The following PTK2 variants were observed in gnomAD, a reference collection of about 807,000 sequenced individuals.
PTK2 encodes focal adhesion kinase 1.
PTK2 carries 45 observed loss-of-function variants against 150.1 expected under a neutral mutation model. The ratio of observed to expected loss-of-function variants is 0.30; its 90% CI spans 0.24 to 0.38. The LOEUF is 0.38. Ranked by LOEUF, PTK2 falls within the 10% of genes least tolerant of loss-of-function variation. PTK2 has a pLI of 1.00. For missense variants in PTK2, 919 were observed against 1,307.3 expected (o/e 0.70, Z 4.58); for synonymous variants, 432 against 449.2 (o/e 0.96, Z 0.48).
At chr8:140,883,892 C>A (rs1477720549) in intron 3 of PTK2, among the ~76,000 whole-genome samples, 3 of 152,072 alleles carry the variant, frequency 2.0e-5, no homozygotes, top group Non-Finnish European at 2.9e-5. Flanking sequence ...ATGGGTCTCA[C>A]TGGCCTAAAA....
Position 140,907,528 on chromosome 8 carries a change from T to C in PTK2, c.-32-16759A>G, listed in dbSNP as rs2100161441. 2.0e-5 allele frequency among the ~76,000 whole-genome samples: 3 copies of C among 152,118 alleles called. No individual in the cohort carries two copies. In the South Asian group the frequency reaches 6.2e-4, roughly 32 times the overall value. ...TTGCCTTCCCCAGCAATCATAGAAA[T>C]TGATAATTCATCCAACTGCCTTTTT... On this transcript the variant is annotated intron_variant, in intron 2 of 31. Coordinates refer to ENST00000522684, the Ensembl canonical transcript of PTK2.
Position 140,717,586 on chromosome 8 carries a change from G to A in PTK2, c.2142+12C>T. 1 of 1,598,088 alleles carries A rather than the reference G, an allele frequency of 6.3e-7. No homozygotes were observed. The highest frequency in any genetic ancestry group is 8.6e-7 in the Non-Finnish European group (1 of 1,165,486). On this transcript the variant is annotated intron_variant, in intron 23 of 31. Coordinates refer to ENST00000522684, the Ensembl canonical transcript of PTK2. ...AGAGTAACCCCAAAGTTGGGGTGGGGACTGTAGCTACCTTGGGCGGTGCTT... is the reference window on the plus strand; with the variant it reads ...AGAGTAACCCCAAAGTTGGGGTGGGAACTGTAGCTACCTTGGGCGGTGCTT...
chr8:140,772,123 T>C (rs981262055), intron 14 of PTK2, among the ~76,000 whole-genome samples: 4 of 152,116 alleles, frequency 2.6e-5, no homozygotes, highest in Non-Finnish European at 5.9e-5. Context: ...TTTCATCTTA[T>C]TGCTTGACTT....
chr8:140,940,936 T>C (rs538523206), intron 1 of PTK2, among the ~76,000 whole-genome samples: 6 of 152,070 alleles, frequency 3.9e-5, no homozygotes, highest in African/African-American at 1.2e-4. Flanking sequence ...CACCATTGCA[T>C]TCCAGCCTGG....
chr8:140,725,375 G>C (rs1208965972), intron 22 of PTK2, among the ~76,000 whole-genome samples: 1 of 152,166 alleles, frequency 6.6e-6, no homozygotes. Flanking sequence ...TTGCAGACAG[G>C]AACTGTATAC....
intron 27 of PTK2, among the ~76,000 whole-genome samples, chr8:140,681,048 G>A (rs2100016621): frequency 2.0e-5 from 3 of 152,166 alleles, no homozygotes; most frequent in Admixed American, 2.0e-4. Context: ...GCGTTGGTTT[G>A]CTCAAATTAG....
At chr8:140,733,744 A>C (rs2100050912) in intron 22 of PTK2, among the ~76,000 whole-genome samples, 2 of 152,180 alleles carry the variant, frequency 1.3e-5, no homozygotes, top group Admixed American at 6.5e-5. Flanking sequence ...AGCTGTTTAG[A>C]ATTACCCTGA....
chr8:140,707,893 T>C (rs554397010), intron 23 of PTK2, among the ~76,000 whole-genome samples: 2 of 152,194 alleles, frequency 1.3e-5, no homozygotes, highest in African/African-American at 2.4e-5. Flanking sequence ...TACTTCCCGG[T>C]TGCGTGACTG....
chr8:140,699,495 G>T (rs1270060020), intron 26 of PTK2, among the ~76,000 whole-genome samples: 1 of 152,136 alleles, frequency 6.6e-6, no homozygotes, highest in Non-Finnish European at 1.5e-5. Flanking sequence ...TTCTGAAGTG[G>T]TTTTCAATAA....
At chr8:140,992,757 C>T (rs1284669736) in intron 1 of PTK2, among the ~76,000 whole-genome samples, 4 of 152,212 alleles carry the variant, frequency 2.6e-5, no homozygotes, top group Admixed American at 6.5e-5. Context: ...CAAATGTTGA[C>T]TTCCATTACC....
chr8:140,838,657 A>T (rs551246358), intron 7 of PTK2, among the ~76,000 whole-genome samples: 4 of 152,274 alleles, frequency 2.6e-5, no homozygotes, highest in East Asian at 3.9e-4. Flanking sequence ...CAAGGGTGAA[A>T]TTTTTTAAAA....
At chr8:140,743,474 T>C (rs2100056885) in intron 19 of PTK2, 144 bp from the exon 23 acceptor site, 2 of 500,800 alleles carry the variant, frequency 4.0e-6, no homozygotes, top group Admixed American at 6.6e-5. Flanking sequence ...TTATAGGATA[T>C]ATATAATAAA....
At chr8:140,659,958 G>A (rs2152444210) in intron 31 of PTK2, among the ~76,000 whole-genome samples, 1 of 152,192 alleles carries the variant, frequency 6.6e-6, no homozygotes, top group Non-Finnish European at 1.5e-5. Context: ...GCAATAGGAT[G>A]TAAAAATCAA....
intron 23 of PTK2, among the ~76,000 whole-genome samples, chr8:140,712,141 AAC>A (rs975778678): frequency 2.0e-5 from 3 of 152,192 alleles, no homozygotes; most frequent in East Asian, 1.9e-4. Flanking sequence ...TAGAAATTAA[AAC>A]AGATACTAAA....
At chr8:140,876,798 A>G (rs1246031843) in intron 4 of PTK2, among the ~76,000 whole-genome samples, 1 of 152,018 alleles carries the variant, frequency 6.6e-6, no homozygotes, top group African/African-American at 2.4e-5. Flanking sequence ...CTAATCTGCT[A>G]TTTTATCAAT....
intron 8 of PTK2, among the ~76,000 whole-genome samples, chr8:140,828,992 G>GGGACA (rs1567139240): frequency 6.6e-6 from 1 of 152,180 alleles, no homozygotes; most frequent in African/African-American, 2.4e-5. Flanking sequence ...CTTGTAGACT[G>GGGACA]GGACAGTGTC....
chr8:140,665,585 T>C (rs998738842), intron 30 of PTK2, among the ~76,000 whole-genome samples: 34 of 152,216 alleles, frequency 2.2e-4, no homozygotes, highest in Non-Finnish European at 4.8e-4. Context: ...CTAACTATGA[T>C]TTAAAACAAA....
At chr8:140,863,368 G>T (rs922176509) in intron 5 of PTK2, among the ~76,000 whole-genome samples, 1 of 151,722 alleles carries the variant, frequency 6.6e-6, no homozygotes, top group Non-Finnish European at 1.5e-5. Flanking sequence ...AATCAGAGTG[G>T]TCTCAAAAAA....
chr8:140,958,623 T>C (rs2100182036), intron 1 of PTK2, among the ~76,000 whole-genome samples: 2 of 152,332 alleles, frequency 1.3e-5, no homozygotes, highest in East Asian at 1.9e-4. Flanking sequence ...GAAATGTAAC[T>C]AGGCCACACT....
Sources: allele counts gnomAD v4.1 joint callset (sites outside exome capture counted in the v4.1 genomes callset), GRCh38; gene constraint gnomAD v4.1.1; transcripts MANE v1.5; gene names NCBI Gene and HGNC (gene_info 2026-07-23, HGNC 2026-07-21).